MVD: variants seen among roughly 807,000 people sequenced by gnomAD.
The protein encoded by MVD is mevalonate diphosphate decarboxylase.
A neutral mutation model predicts 42.4 loss-of-function variants in MVD; 52 were observed. That is an observed-to-expected ratio of 1.23 (90% CI 0.98 to 1.55). The LOEUF (loss-of-function observed/expected upper bound fraction) is 1.55, where lower values mean the gene tolerates loss of function less well. Ranked by LOEUF, MVD falls within the 40% of genes most tolerant of loss-of-function variation. MVD has a pLI of 0.00. For synonymous variants in MVD, 287 were observed against 243.2 expected, an observed-to-expected ratio of 1.18 and a Z score of -1.68; for missense variants, 663 against 572.1, an observed-to-expected ratio of 1.16 and a Z score of -1.62.
intron 5 of MVD, 100 bp from the exon 6 acceptor site, chr16:88,655,830 C>G: frequency 7.2e-7 from 1 of 1,397,474 alleles, no homozygotes; most frequent in Non-Finnish European, 9.7e-7. Context: ...ATGCAGGCAG[C>G]GGGGGTGGGA....
chr16:88,657,900 G>C lies in MVD; in HGVS notation c.256+15C>G. 1.9e-6 allele frequency: 3 copies of C among 1,610,724 alleles called. No individual in the cohort carries two copies. The highest frequency in any genetic ancestry group is 2.5e-6 in the Non-Finnish European group (3 of 1,178,112). ...GACAACAGGGAGGGATGGGCTTATG[G>C]GGACCCCAGCTCACTCTCCCGCAGG... is the stretch of plus-strand genomic sequence containing the variant. On this transcript the variant is annotated intron_variant, in intron 3 of 9. Transcript: ENST00000301012.
intron 9 of MVD, among the ~76,000 whole-genome samples, chr16:88,652,933 C>T (rs543670258): frequency 1.8e-4 from 28 of 152,206 alleles, no homozygotes; most frequent in African/African-American, 6.0e-4. Flanking sequence ...GCTTGGCCCT[C>T]GGAGCAGGTC....
At position 88,652,437 on chromosome 16, in the gene MVD, C is replaced by T. The variant is rs1907625597; in HGVS notation, c.*88G>A. On this transcript the variant is annotated 3_prime_UTR_variant, in exon 10 of 10. Coordinates refer to ENST00000301012, the MANE Select transcript of MVD (RefSeq NM_002461.3). ...GGGTCAAGCCACCACCCACATGTCC[C>T]AGGAGTCCGGCCAGCCCACCACATC... 1 of 1,429,464 alleles carries T rather than the reference C, an allele frequency of 7.0e-7. No homozygotes were observed. The highest frequency in any genetic ancestry group is 2.0e-5 in the Admixed American group (1 of 50,828). 88.5% of individuals were successfully genotyped at this position (1,429,464 alleles called of 1,614,324 possible). A position where few individuals can be genotyped will look rare whatever the true frequency, so the allele number is the denominator to read the frequency against.
chr16:88,656,481 C>T, intron 4 of MVD, 177 bp from the exon 5 acceptor site: 3 of 664,772 alleles, frequency 4.5e-6, no homozygotes, highest in Non-Finnish European at 7.7e-6. Context: ...CTGTCCCCCA[C>T]CTCCGCTAGT....
At position 88,652,418 on chromosome 16, in the gene MVD, A is replaced by G; in HGVS notation, c.*107T>C. Reference sequence around the variant, plus strand: ...CAAGCTGCCCATGGGCCCGGGGTCAAGCCACCACCCACATGTCCCAGGAGT... The same window carrying G: ...CAAGCTGCCCATGGGCCCGGGGTCAGGCCACCACCCACATGTCCCAGGAGT... On this transcript the variant is annotated 3_prime_UTR_variant, in exon 10 of 10. Transcript: ENST00000301012. 2 of 1,290,820 alleles carry G rather than the reference A, an allele frequency of 1.5e-6. No individual in the cohort carries two copies. Among genetic ancestry groups the G allele is most frequent in the Non-Finnish European group, 2.2e-6 (2 of 915,750 alleles). 80.0% of individuals were successfully genotyped at this position (1,290,820 alleles called of 1,614,324 possible). A position where few individuals can be genotyped will look rare whatever the true frequency, so the allele number is the denominator to read the frequency against.
At chr16:88,661,088 T>G (rs967334494) in intron 1 of MVD, among the ~76,000 whole-genome samples, 1 of 151,684 alleles carries the variant, frequency 6.6e-6, no homozygotes, top group South Asian at 2.1e-4. Context: ...CTGATTTTTT[T>G]TTTTACAAAA....
intron 8 of MVD, 164 bp from the exon 9 acceptor site, chr16:88,653,572 G>T (rs8046018): frequency 0.11 from 63,618 of 588,732 alleles, 3,857 homozygotes; most frequent in South Asian, 0.14. Flanking sequence ...TCTTTTAGGG[G>T]TGATGAAAAA....
In MVD at chr16:88,658,667, T is replaced by A; in HGVS notation, c.124A>T (p.Thr42Ser). The change falls in exon 2 of 10, where the codon ACT (threonine) becomes TCT (serine). Residue 42 changes from threonine to serine, a missense_variant. Coordinates refer to ENST00000301012, the MANE Select transcript of MVD (RefSeq NM_002461.3). Reference sequence around the variant, plus strand: ...ACACATACCTGGTCCTGGTGCAGAGTGACGCTCAGGGAGGAGTTGATGGGC... The same window carrying A: ...ACACATACCTGGTCCTGGTGCAGAGAGACGCTCAGGGAGGAGTTGATGGGC... Reference protein sequence around the residue: ...VLPINSSLSVTLHQDQLKTTT... With the variant: ...VLPINSSLSVSLHQDQLKTTT... The A allele has an allele frequency of 6.2e-7, 1 of 1,613,576 alleles. No individual in the cohort carries two copies. Among genetic ancestry groups the A allele is most frequent in the Non-Finnish European group, 8.5e-7 (1 of 1,179,828 alleles).
chr16:88,660,526 TC>T (rs1463987456), intron 1 of MVD: 1 of 151,608 alleles, frequency 6.6e-6, no homozygotes, highest in African/African-American at 2.4e-5. Flanking sequence ...ACACCTGTAG[TC>T]CCAGCTACTC....
chr16:88,657,268 G>C (rs2142902633), intron 4 of MVD, 168 bp downstream of exon 4: 2 of 958,052 alleles, frequency 2.1e-6, no homozygotes, highest in South Asian at 2.8e-5. Flanking sequence ...AAAATGTTCA[G>C]ATGTGCTCTG....
Position 88,653,422 on chromosome 16 carries a change from G to T in MVD, c.1014-14C>A. Reference sequence around the variant, plus strand: ...CCCTTCAGAAACCTGGAAAAGCAGGGCAGGGGCACGGTGAATGCATCCGTT... The same window carrying T: ...CCCTTCAGAAACCTGGAAAAGCAGGTCAGGGGCACGGTGAATGCATCCGTT... On this transcript the variant is annotated splice_polypyrimidine_tract_variant and intron_variant, in intron 8 of 9. Coordinates refer to ENST00000301012, the MANE Select transcript of MVD (RefSeq NM_002461.3). 1 of 1,598,340 alleles carries T rather than the reference G, an allele frequency of 6.3e-7. No individual in the cohort carries two copies. The highest frequency in any genetic ancestry group is 8.5e-7 in the Non-Finnish European group (1 of 1,172,732).
At position 88,657,815 on chromosome 16, in the gene MVD, G is replaced by A. The variant is rs77228496; in HGVS notation, c.256+100C>T. 1.6e-3 allele frequency: 2,210 copies of A among 1,344,324 alleles called. 19 individuals carry two copies. The African/African-American group carries it at 0.028, about 17-fold the overall frequency. 83.3% of individuals were successfully genotyped at this position (1,344,324 alleles called of 1,614,324 possible). ...GGCATGTCTGGTTCCCAGCCACCCC[G>A]CCTGCTGCCTCAGGAGGGGCACAGA... On this transcript the variant is annotated intron_variant, in intron 3 of 9. Coordinates refer to ENST00000301012, the MANE Select transcript of MVD (RefSeq NM_002461.3).
intron 1 of MVD, chr16:88,658,933 G>A (rs1022525580): frequency 2.1e-5 from 12 of 561,326 alleles, no homozygotes; most frequent in Non-Finnish European, 3.9e-5. Context: ...AGAGCTGGAG[G>A]CCAGCCAACC....
Position 88,658,664 on chromosome 16 carries a change from G to A in MVD, c.127C>T (p.Leu43=). The change falls in exon 2 of 10, where the codon CTG becomes TTG. Residue 43 remains leucine (L), a synonymous_variant. Transcript: ENST00000301012. ...TCCACACATACCTGGTCCTGGTGCA[G>A]AGTGACGCTCAGGGAGGAGTTGATG... ...LPINSSLSVT[L]HQDQLKTTTT... is the part of the protein sequence containing the mutation. 1 of 1,613,708 alleles carries A rather than the reference G, an allele frequency of 6.2e-7. No individual in the cohort carries two copies.
chr16:88,662,938 A>G lies in MVD; in HGVS notation c.70+73T>C. ...AGGGCAGGACGGAGCGCGCCGCCGA[A>G]TCAGCGCGCGACCCCCGCGTACCCG... On this transcript the variant is annotated intron_variant, in intron 1 of 9. Transcript: ENST00000301012. The G allele has an allele frequency of 1.9e-6, 3 of 1,548,208 alleles. No homozygotes were observed. In the South Asian group the frequency reaches 3.6e-5, roughly 18 times the overall value.
rs979926912 is a variant in MVD at position 88,652,256 on chromosome 16, G to A, written c.*269C>T. On this transcript the variant is annotated 3_prime_UTR_variant, in exon 10 of 10. Transcript: ENST00000301012. ...GAAAGCCCTTCAGCCCTGCTGCACC[G>A]AGGCTCTGCCAGTTCTCATACCCCC... 39 of 576,920 alleles carry A rather than the reference G, an allele frequency of 6.8e-5. No individual in the cohort carries two copies. In the Admixed American group the frequency reaches 6.9e-4, roughly 10 times the overall value. The allele number at this position is 576,920 out of a possible 1,614,324, so 35.7% of individuals were successfully genotyped here.
rs757578745 is a variant in MVD, at chr16:88,653,404, G to A, written c.1018C>T (p.Leu340=). The part of the protein sequence containing the change: ...FPPGSNGDTF[L]KGLQVRPAPL... ...GCCGGCCTCACCTGCAGCCCCTTCAGAAACCTGGAAAAGCAGGGCAGGGGC... is the reference window on the plus strand; with the variant it reads ...GCCGGCCTCACCTGCAGCCCCTTCAAAAACCTGGAAAAGCAGGGCAGGGGC... Residue 340 remains leucine (L), a synonymous_variant, in exon 9 of 10, where the codon CTG becomes TTG. Transcript: ENST00000301012. The A allele has an allele frequency of 1.9e-5, 30 of 1,606,400 alleles. No homozygotes were observed. Among genetic ancestry groups the A allele is most frequent in the Admixed American group, 3.4e-5 (2 of 58,158 alleles).
intron 8 of MVD, 50 bp downstream of exon 8, chr16:88,654,642 G>T: frequency 6.4e-7 from 1 of 1,551,670 alleles, no homozygotes; most frequent in Non-Finnish European, 8.7e-7. Flanking sequence ...TCCGACCAGA[G>T]TTCCTGGCAC....
chr16:88,658,490 G>A (rs1240432402), intron 2 of MVD, among the ~76,000 whole-genome samples, 160 bp downstream of exon 2: 1 of 152,100 alleles, frequency 6.6e-6, no homozygotes, highest in Non-Finnish European at 1.5e-5. Context: ...GAGTGCAGTG[G>A]TGCGATCATG....
Sources: allele counts gnomAD v4.1 joint callset (sites outside exome capture counted in the v4.1 genomes callset), GRCh38; gene constraint gnomAD v4.1.1; transcripts MANE v1.5; gene names NCBI Gene and HGNC (gene_info 2026-07-23, HGNC 2026-07-21).